Variants in CSF1R observed in about 807,000 individuals in gnomAD.
CSF1R encodes the protein colony stimulating factor 1 receptor.
In CSF1R, 40 loss-of-function variants were observed where a neutral mutation model predicts 110.0. That is an observed-to-expected ratio of 0.36 (90% CI 0.28 to 0.47). CSF1R has a LOEUF of 0.47. CSF1R is among the 20% of genes least tolerant of loss of function. The pLI, the probability that CSF1R is intolerant of heterozygous loss-of-function variation, is 0.99. For missense variants in CSF1R, 1,052 were observed against 1,253.0 expected, an observed-to-expected ratio of 0.84 and a Z score of 2.42; for synonymous variants, 523 against 503.4, an observed-to-expected ratio of 1.04 and a Z score of -0.52.
intron 13 of CSF1R, 55 bp downstream of exon 13, chr5:150,060,807 C>T: frequency 8.2e-7 from 1 of 1,218,608 alleles, no homozygotes; most frequent in South Asian, 1.3e-5. Context: ...CCCTGGGGCC[C>T]TGAGATTCCC....
intron 1 of CSF1R, among the ~76,000 whole-genome samples, chr5:150,096,844 T>C (rs1249013288): frequency 7.9e-5 from 12 of 152,202 alleles, no homozygotes; most frequent in Admixed American, 7.9e-4. Flanking sequence ...CCACTAACAT[T>C]AAACTTAGTG....
intron 18 of CSF1R, 86 bp downstream of exon 18, chr5:150,055,940 C>G: frequency 8.0e-7 from 1 of 1,247,094 alleles, no homozygotes; most frequent in East Asian, 2.4e-5. Flanking sequence ...CTCGCTGTGT[C>G]CTGGGCACCA....
chr5:150,081,328 G>C (rs1758534112), intron 1 of CSF1R, among the ~76,000 whole-genome samples: 1 of 152,174 alleles, frequency 6.6e-6, no homozygotes, highest in Admixed American at 6.5e-5. Flanking sequence ...AGTCTTCCCT[G>C]CTGTGATGCC....
chr5:150,102,874 T>A (rs1334735435), intron 1 of CSF1R, among the ~76,000 whole-genome samples: 3 of 152,220 alleles, frequency 2.0e-5, no homozygotes, highest in Non-Finnish European at 2.9e-5. Flanking sequence ...TCTGCTAATG[T>A]TCTTTTGGTT....
intron 5 of CSF1R, among the ~76,000 whole-genome samples, chr5:150,074,403 G>A (rs2569078): frequency 1.3e-5 from 2 of 149,176 alleles, no homozygotes; most frequent in Admixed American, 6.8e-5. Flanking sequence ...CGCCTCCCAG[G>A]TTCAAGCGAT....
intron 10 of CSF1R, among the ~76,000 whole-genome samples, chr5:150,064,893 G>T (rs568716225): frequency 6.6e-6 from 1 of 152,340 alleles, no homozygotes; most frequent in Non-Finnish European, 1.5e-5. Context: ...CAGGGCACCT[G>T]TGCCATCCCT....
At chr5:150,084,662 G>A (rs935028233) in intron 1 of CSF1R, among the ~76,000 whole-genome samples, 2 of 151,750 alleles carry the variant, frequency 1.3e-5, no homozygotes, top group South Asian at 2.1e-4. Context: ...CCATATTGGC[G>A]AGGCTGGTCT....
intron 10 of CSF1R, among the ~76,000 whole-genome samples, chr5:150,063,710 G>A (rs1330184533): frequency 6.6e-6 from 1 of 152,114 alleles, no homozygotes; most frequent in East Asian, 1.9e-4. Context: ...CTGCTGAGGG[G>A]GAGTACCATG....
chr5:150,073,082 G>A (rs1452053169), intron 6 of CSF1R, among the ~76,000 whole-genome samples: 1 of 152,184 alleles, frequency 6.6e-6, no homozygotes, highest in East Asian at 1.9e-4. Context: ...CTATCCCAAG[G>A]ATGTGGGATG....
At chr5:150,100,384 G>A (rs1467208007) in intron 1 of CSF1R, among the ~76,000 whole-genome samples, 2 of 130,774 alleles carry the variant, frequency 1.5e-5, no homozygotes, top group Non-Finnish European at 3.1e-5. Flanking sequence ...TGCAACCTCC[G>A]CCTCCCGGGT....
chr5:150,095,834 C>A (rs187057858), intron 1 of CSF1R, among the ~76,000 whole-genome samples: 1 of 148,316 alleles, frequency 6.7e-6, no homozygotes, highest in African/African-American at 2.5e-5. Context: ...TCAATACCAA[C>A]CCTACCAACA....
intron 14 of CSF1R, among the ~76,000 whole-genome samples, chr5:150,058,603 T>C (rs778372764): frequency 5.8e-4 from 88 of 152,228 alleles, no homozygotes; most frequent in Non-Finnish European, 1.2e-3. Flanking sequence ...TTTCCTTTGG[T>C]GCTCATTTTG....
intron 6 of CSF1R, among the ~76,000 whole-genome samples, chr5:150,071,703 C>T (rs1581309344): frequency 1.3e-5 from 2 of 152,254 alleles, no homozygotes; most frequent in South Asian, 2.1e-4. Flanking sequence ...TAGGGGATCT[C>T]GTGTTCCTTT....
chr5:150,055,407 T>C, intron 18 of CSF1R, 71 bp from the exon 19 acceptor site: 1 of 1,309,936 alleles, frequency 7.6e-7, no homozygotes, highest in Non-Finnish European at 1.1e-6. Flanking sequence ...CCCACACACA[T>C]CTTAGACTGG....
At chr5:150,069,400 A>G (rs1420346758) in intron 9 of CSF1R, among the ~76,000 whole-genome samples, 1 of 152,174 alleles carries the variant, frequency 6.6e-6, no homozygotes, top group East Asian at 1.9e-4. Flanking sequence ...TCAAATGGAT[A>G]GACTGTGTCT....
upstream of CSF1R, among the ~76,000 whole-genome samples, chr5:150,091,331 C>T (rs144520586): frequency 3.7e-4 from 57 of 152,254 alleles, no homozygotes; most frequent in East Asian, 8.5e-3. Context: ...AATACATGCA[C>T]GCAAATATTC....
At chr5:150,059,633 C>T in intron 14 of CSF1R, 67 bp downstream of exon 14, 1 of 1,581,022 alleles carries the variant, frequency 6.3e-7, no homozygotes, top group Non-Finnish European at 8.6e-7. Context: ...CCTGAGCTGG[C>T]TTTGAAGACA....
At chr5:150,070,609 C>G in intron 6 of CSF1R, 38 bp from the exon 7 acceptor site, 1 of 1,372,692 alleles carries the variant, frequency 7.3e-7, no homozygotes, top group Non-Finnish European at 9.8e-7. Flanking sequence ...TGAGCCCCAG[C>G]CTAGTATGGC....
chr5:150,058,290 G>T (rs1581284102), intron 14 of CSF1R: 1 of 456,258 alleles, frequency 2.2e-6, no homozygotes, highest in Non-Finnish European at 4.4e-6. Flanking sequence ...GCACACTTGG[G>T]GTAGAGAATT....
Sources: gnomAD v4.1 joint callset for allele counts (sites outside exome capture counted in the v4.1 genomes callset) on GRCh38, gnomAD v4.1.1 for gene constraint, MANE v1.5 for transcripts, NCBI Gene and HGNC (gene_info 2026-07-23, HGNC 2026-07-21) for gene names.